Variants in TRAM1 observed in about 807,000 individuals in gnomAD.
TRAM1 encodes the protein translocation associated membrane protein 1.
A neutral mutation model predicts 48.7 loss-of-function variants in TRAM1; 17 were observed. The observed-to-expected ratio is 0.35, with a 90% CI of 0.24 to 0.52. TRAM1 has a LOEUF of 0.52. Ranked by LOEUF, TRAM1 falls within the 20% of genes least tolerant of loss-of-function variation. The probability of loss-of-function intolerance (pLI) is 0.94; values close to 1 mark genes in which losing one functional copy is unlikely to be tolerated. For missense variants in TRAM1, 351 were observed against 441.5 expected (o/e 0.79, Z 1.84); for synonymous variants, 182 against 154.0 (o/e 1.18, Z -1.34).
At chr8:70,576,985 T>G (rs892533928) in intron 10 of TRAM1, among the ~76,000 whole-genome samples, 1 of 152,188 alleles carries the variant, frequency 6.6e-6, no homozygotes, top group Non-Finnish European at 1.5e-5. Context: ...ATATGCCTGC[T>G]CAGGGAGCCC....
chr8:70,597,770 T>C (rs1051960915), intron 4 of TRAM1, 125 bp downstream of exon 4: 9 of 573,398 alleles, frequency 1.6e-5, no homozygotes, highest in Non-Finnish European at 5.6e-6. Flanking sequence ...TTTAGAATTT[T>C]TGCTGTATAA....
At chr8:70,599,695 A>G (rs1817563979) in intron 2 of TRAM1, among the ~76,000 whole-genome samples, 1 of 152,222 alleles carries the variant, frequency 6.6e-6, no homozygotes, top group African/African-American at 2.4e-5. Context: ...TTGAATGAAC[A>G]ATGACATTTA....
chr8:70,608,031 G>A, intron 1 of TRAM1, 46 bp downstream of exon 1: 1 of 1,547,532 alleles, frequency 6.5e-7, no homozygotes, highest in Non-Finnish European at 8.7e-7. Flanking sequence ...CCCGGGCCCG[G>A]GCTGGAGGTG....
Position 70,574,745 on chromosome 8 carries a change from A to T in TRAM1, c.*187T>A, listed in dbSNP as rs1230978100. 25 of 500,118 alleles carry T rather than the reference A, an allele frequency of 5.0e-5. No individual in the cohort carries two copies. The highest frequency in any genetic ancestry group is 6.9e-6 in the Non-Finnish European group (2 of 287,964). 31.0% of individuals were successfully genotyped at this position (500,118 alleles called of 1,614,324 possible). On this transcript the variant is annotated 3_prime_UTR_variant, in exon 11 of 11. Transcript: ENST00000262213. ...AGGCAGGTAGCTTAGTCTAAGCTAA[A>T]ATATTTTTTTCATTCATAGCAATAA...
chr8:70,580,862 T>C lies in TRAM1; in HGVS notation c.1051+2302A>G, dbSNP rs114116095. 7.1e-3 allele frequency among the ~76,000 whole-genome samples: 1,071 copies of C among 151,466 alleles called. 14 individuals are homozygous for C. Among genetic ancestry groups the C allele is most frequent in the African/African-American group, 0.025 (1,025 of 41,280 alleles). The stretch of plus-strand genomic sequence containing the variant: ...ACAATGGCAATGAAGAATCTGAAAA[T>C]GGAATTAAGAAGATGGTTCTATTTT... On this transcript the variant is annotated intron_variant, in intron 10 of 10. Coordinates refer to ENST00000262213, the MANE Select transcript of TRAM1 (RefSeq NM_014294.6).
intron 5 of TRAM1, among the ~76,000 whole-genome samples, chr8:70,595,376 CT>C (rs1817465309): frequency 6.6e-6 from 1 of 152,028 alleles, no homozygotes; most frequent in East Asian, 1.9e-4. Flanking sequence ...ACTAATAAAA[CT>C]TTAGAAATCA....
chr8:70,587,302 C>T, intron 6 of TRAM1, 126 bp from the exon 7 acceptor site: 1 of 837,686 alleles, frequency 1.2e-6, no homozygotes. Context: ...AACCCCCAAC[C>T]TTGGCCTTCC....
At chr8:70,583,047 A>G in intron 10 of TRAM1, 117 bp downstream of exon 10, 1 of 1,184,386 alleles carries the variant, frequency 8.4e-7, no homozygotes, top group Non-Finnish European at 1.1e-6. Flanking sequence ...ATTTTGTTGA[A>G]AAGCAGAATA....
In TRAM1 at chr8:70,600,018, C is replaced by T; in HGVS notation, c.187+1G>A. 1 of 1,612,984 alleles carries T rather than the reference C, an allele frequency of 6.2e-7. No homozygotes were observed. Among genetic ancestry groups the T allele is most frequent in the Non-Finnish European group, 8.5e-7 (1 of 1,179,196 alleles). On this transcript the variant is annotated splice_donor_variant, in intron 2 of 10. Coordinates refer to ENST00000262213, the MANE Select transcript of TRAM1 (RefSeq NM_014294.6). LOFTEE classifies it high-confidence loss of function. ...GAAAATTCTTAGCGTAAATTACCTA[C>T]CTGTTGCTGGGAGGGTGACATTGTA...
chr8:70,593,417 A>C (rs1817410220), intron 6 of TRAM1, among the ~76,000 whole-genome samples: 1 of 151,994 alleles, frequency 6.6e-6, no homozygotes, highest in Non-Finnish European at 1.5e-5. Context: ...AAAAAAAAGA[A>C]ATTTTAAATG....
At chr8:70,607,542 C>T in intron 1 of TRAM1, 1 of 963,138 alleles carries the variant, frequency 1.0e-6, no homozygotes, top group Non-Finnish European at 1.2e-6. Flanking sequence ...CTCGGAGCTA[C>T]CGGGGGCTCC....
intron 8 of TRAM1, among the ~76,000 whole-genome samples, chr8:70,585,943 A>T (rs1181724955): frequency 6.6e-6 from 1 of 150,446 alleles, no homozygotes; most frequent in East Asian, 2.0e-4. Flanking sequence ...AAAGGATTAT[A>T]AATCATGCTG....
At position 70,583,645 on chromosome 8, in the gene TRAM1, C is replaced by T. The variant is rs970338862; in HGVS notation, c.890+5G>A. 2.5e-6 allele frequency: 4 copies of T among 1,605,114 alleles called. No individual in the cohort carries two copies. The highest frequency in any genetic ancestry group is 2.2e-5 in the East Asian group (1 of 44,688). On this transcript the variant is annotated splice_donor_5th_base_variant and intron_variant, in intron 9 of 10. Coordinates refer to ENST00000262213, the MANE Select transcript of TRAM1 (RefSeq NM_014294.6). ...AAAGTGAAAAAAATGTTAAATTGAT[C>T]GTACCTAACAGCTAACACATTGAAG...
intron 6 of TRAM1, among the ~76,000 whole-genome samples, chr8:70,589,592 C>T (rs1817304479): frequency 6.6e-6 from 1 of 152,092 alleles, no homozygotes; most frequent in Admixed American, 6.5e-5. Context: ...AATAACAGCC[C>T]TTTGGGAGGC....
intron 2 of TRAM1, 56 bp downstream of exon 2, chr8:70,599,963 A>C: frequency 1.4e-6 from 2 of 1,435,536 alleles, no homozygotes; most frequent in Non-Finnish European, 2.0e-6. Context: ...AAAATTTCCA[A>C]GTTTGTTCAA....
At chr8:70,598,388 G>T (rs1322968779) in intron 2 of TRAM1, 133 bp from the exon 3 acceptor site, 1 of 785,682 alleles carries the variant, frequency 1.3e-6, no homozygotes, top group African/African-American at 1.8e-5. Flanking sequence ...CATAAATAAC[G>T]TGGTCTTGGA....
chr8:70,587,299 A>C, intron 6 of TRAM1, 123 bp from the exon 7 acceptor site: 3 of 858,828 alleles, frequency 3.5e-6, no homozygotes, highest in Non-Finnish European at 5.4e-6. Context: ...GAGAACCCCC[A>C]ACCTTGGCCT....
chr8:70,579,879 C>T (rs960750449), intron 10 of TRAM1, among the ~76,000 whole-genome samples: 12 of 152,094 alleles, frequency 7.9e-5, no homozygotes, highest in Admixed American at 5.9e-4. Context: ...TTTATAGACG[C>T]TGTAACTGTA....
At chr8:70,582,892 G>C (rs1264393163) in intron 10 of TRAM1, among the ~76,000 whole-genome samples, 1 of 152,136 alleles carries the variant, frequency 6.6e-6, no homozygotes, top group African/African-American at 2.4e-5. Context: ...TGCCCATAAA[G>C]TTTGGTCTAA....
Sources: allele counts gnomAD v4.1 joint callset (sites outside exome capture counted in the v4.1 genomes callset), GRCh38; gene constraint gnomAD v4.1.1; transcripts MANE v1.5; gene names NCBI Gene and HGNC (gene_info 2026-07-23, HGNC 2026-07-21).